Variants in GALNTL6 observed in about 807,000 individuals in gnomAD.
GALNTL6 encodes the protein polypeptide N-acetylgalactosaminyltransferase like 6.
A neutral mutation model predicts 73.7 loss-of-function variants in GALNTL6; 46 were observed. The ratio of observed to expected loss-of-function variants is 0.62; its 90% CI spans 0.49 to 0.80. The LOEUF (loss-of-function observed/expected upper bound fraction) is 0.80, where lower values mean the gene tolerates loss of function less well. Among genes scored for constraint, GALNTL6 ranks in the 30% least tolerant of loss-of-function variants. GALNTL6 has a pLI of 0.00. For synonymous variants in GALNTL6, 259 were observed against 263.7 expected, an observed-to-expected ratio of 0.98 and a Z score of 0.17; for missense variants, 604 against 755.0, an observed-to-expected ratio of 0.80 and a Z score of 2.34.
At chr4:172,542,719 G>C (rs998904281) in intron 5 of GALNTL6, among the ~76,000 whole-genome samples, 1 of 152,172 alleles carries the variant, frequency 6.6e-6, no homozygotes, top group African/African-American at 2.4e-5. Flanking sequence ...TGGGGGTTCT[G>C]TTCAGTCAGT....
chr4:172,037,775 C>T (rs147065847), intron 2 of GALNTL6, among the ~76,000 whole-genome samples: 27 of 152,232 alleles, frequency 1.8e-4, no homozygotes, highest in East Asian at 9.6e-4. Context: ...ATTCAATTCT[C>T]AAAATTAGTT....
chr4:171,903,019 C>G (rs1181077071), intron 2 of GALNTL6, among the ~76,000 whole-genome samples: 1 of 152,010 alleles, frequency 6.6e-6, no homozygotes, highest in Non-Finnish European at 1.5e-5. Context: ...TTCATGCAGT[C>G]AAAGACGAAG....
At chr4:171,892,200 C>G (rs1442434366) in intron 2 of GALNTL6, among the ~76,000 whole-genome samples, 1 of 152,098 alleles carries the variant, frequency 6.6e-6, no homozygotes, top group Non-Finnish European at 1.5e-5. Context: ...TGCAAATATT[C>G]CAAAGTCCAA....
chr4:172,183,047 A>G (rs1407714638), intron 2 of GALNTL6, among the ~76,000 whole-genome samples: 1 of 152,204 alleles, frequency 6.6e-6, no homozygotes, highest in East Asian at 1.9e-4. Context: ...GATTTGCTGT[A>G]CAACCTAATT....
intron 4 of GALNTL6, among the ~76,000 whole-genome samples, chr4:172,340,924 C>T (rs1468536382): frequency 6.6e-6 from 1 of 152,186 alleles, no homozygotes; most frequent in Non-Finnish European, 1.5e-5. Context: ...TGCAGATCCC[C>T]TGAGTTCTGT....
At chr4:173,016,262 G>A (rs1478854564) in intron 11 of GALNTL6, among the ~76,000 whole-genome samples, 1 of 152,174 alleles carries the variant, frequency 6.6e-6, no homozygotes, top group Non-Finnish European at 1.5e-5. Context: ...AGTCCCCACT[G>A]GGGCACTACC....
At position 171,900,869 on chromosome 4, in the gene GALNTL6, A is replaced by T. The variant is rs552886233; in HGVS notation, c.138+86151A>T. Among the ~76,000 whole-genome samples the T allele has an allele frequency of 1.8e-4, 26 of 141,476 alleles. No individual in the cohort carries two copies. The South Asian group carries it at 2.0e-3, about 11-fold the overall frequency. The allele number at this position is 141,476 out of a possible 152,430, so 92.8% of individuals were successfully genotyped here. A position where few individuals can be genotyped will look rare whatever the true frequency, so the allele number is the denominator to read the frequency against. On this transcript the variant is annotated intron_variant, in intron 2 of 12. Transcript: ENST00000506823. ...TTATAAATTATAGCATCAAAAACAG[A>T]CTAATAACTAAAATATTAGAATATC...
At chr4:172,271,613 G>A (rs1014796925) in intron 3 of GALNTL6, among the ~76,000 whole-genome samples, 4 of 151,876 alleles carry the variant, frequency 2.6e-5, no homozygotes, top group African/African-American at 9.7e-5. Flanking sequence ...CCTATATATA[G>A]GTCTATATGT....
chr4:172,484,531 A>G (rs1293629782), intron 5 of GALNTL6, among the ~76,000 whole-genome samples: 4 of 152,152 alleles, frequency 2.6e-5, no homozygotes, highest in Non-Finnish European at 4.4e-5. Context: ...GGTGCTGTTG[A>G]TTATTATTTA....
intron 5 of GALNTL6, among the ~76,000 whole-genome samples, chr4:172,638,065 A>C (rs942942365): frequency 7.9e-5 from 12 of 152,090 alleles, no homozygotes; most frequent in Non-Finnish European, 7.4e-5. Context: ...TTCATTTTCC[A>C]AGCAGTGGCT....
intron 10 of GALNTL6, among the ~76,000 whole-genome samples, chr4:172,960,982 A>G (rs1750018889): frequency 6.9e-6 from 1 of 145,036 alleles, no homozygotes; most frequent in East Asian, 2.2e-4. Flanking sequence ...GAGAAGGGGT[A>G]GAGACACGGG....
In GALNTL6 at chr4:173,022,852, C is replaced by T. The variant is rs546179375; in HGVS notation, c.1638+1227C>T. ...TTGTTTGAAAATATTTTTATTGTTT[C>T]CTTTTGACAACTTTTTAGAATACTT... On this transcript the variant is annotated intron_variant, in intron 12 of 12. Coordinates refer to ENST00000506823, the MANE Select transcript of GALNTL6 (RefSeq NM_001034845.3). 5.3e-5 allele frequency among the ~76,000 whole-genome samples: 8 copies of T among 152,204 alleles called. No homozygotes were observed. The East Asian group carries it at 1.5e-3, about 29-fold the overall frequency.
At chr4:172,413,645 CT>C (rs1744522153) in intron 5 of GALNTL6, among the ~76,000 whole-genome samples, 2 of 118,650 alleles carry the variant, frequency 1.7e-5, no homozygotes, top group African/African-American at 6.6e-5. Context: ...AATTTATCTT[CT>C]TTGTATTAGT....
chr4:172,830,002 G>A lies in GALNTL6; in HGVS notation c.923+16279G>A, dbSNP rs1742534049. On this transcript the variant is annotated intron_variant, in intron 7 of 12. Coordinates refer to ENST00000506823, the MANE Select transcript of GALNTL6 (RefSeq NM_001034845.3). The stretch of plus-strand genomic sequence containing the variant: ...CCATAAGTATACATATATCTAGAAT[G>A]TGTATTCAAATAAATTCCACCGAAA... Among the ~76,000 whole-genome samples the A allele has an allele frequency of 3.3e-5, 5 of 152,124 alleles. 1 individual carries two copies. Among genetic ancestry groups the A allele is most frequent in the Non-Finnish European group, 7.4e-5 (5 of 68,022 alleles).
chr4:172,705,290 T>C lies in GALNTL6; in HGVS notation c.554-104071T>C, dbSNP rs142047517. The stretch of plus-strand genomic sequence containing the variant: ...TACTGCCTCCTTTTGTAGTTATTTT[T>C]TCTGGTAGTATATTTCAATTTCTTG... On this transcript the variant is annotated intron_variant, in intron 5 of 12. Coordinates refer to ENST00000506823, the MANE Select transcript of GALNTL6 (RefSeq NM_001034845.3). Among the ~76,000 whole-genome samples, 1,484 of 151,922 alleles carry C rather than the reference T, an allele frequency of 9.8e-3. 15 individuals are homozygous for C. The highest frequency in any genetic ancestry group is 0.016 in the Non-Finnish European group (1,116 of 67,848).
intron 5 of GALNTL6, among the ~76,000 whole-genome samples, chr4:172,497,403 A>G (rs1446328229): frequency 6.6e-6 from 1 of 152,200 alleles, no homozygotes; most frequent in African/African-American, 2.4e-5. Flanking sequence ...TTACCTGATG[A>G]TTTTTCTAAA....
At chr4:173,024,020 A>G (rs1446002063) in intron 12 of GALNTL6, among the ~76,000 whole-genome samples, 1 of 152,244 alleles carries the variant, frequency 6.6e-6, no homozygotes, top group East Asian at 1.9e-4. Flanking sequence ...GTACATTTAT[A>G]GCATGACACA....
chr4:172,000,007 A>G (rs986534727), intron 2 of GALNTL6, among the ~76,000 whole-genome samples: 2 of 152,170 alleles, frequency 1.3e-5, no homozygotes, highest in African/African-American at 4.8e-5. Flanking sequence ...CTTTTGGAGA[A>G]TTATTCAAAT....
chr4:172,780,561 A>G (rs1271512247), intron 5 of GALNTL6, among the ~76,000 whole-genome samples: 10 of 152,180 alleles, frequency 6.6e-5, no homozygotes, highest in African/African-American at 2.4e-4. Flanking sequence ...TTGCCTTGAA[A>G]CTTGTTGATT....
Sources: gnomAD v4.1 joint callset for allele counts (sites outside exome capture counted in the v4.1 genomes callset) on GRCh38, gnomAD v4.1.1 for gene constraint, MANE v1.5 for transcripts, NCBI Gene and HGNC (gene_info 2026-07-23, HGNC 2026-07-21) for gene names.